Variants in MAGI2 observed in about 807,000 individuals in gnomAD.
MAGI2 encodes membrane-associated guanylate kinase, WW and PDZ domain-containing protein 2.
Under a neutral mutation model 133.3 loss-of-function variants are expected in MAGI2, and 35 were observed. That is an observed-to-expected ratio of 0.26 (90% CI 0.20 to 0.35). The LOEUF (loss-of-function observed/expected upper bound fraction) is 0.35, where lower values mean the gene tolerates loss of function less well. Among genes scored for constraint, MAGI2 ranks in the 10% least tolerant of loss-of-function variants. MAGI2 has a pLI of 1.00. For synonymous variants in MAGI2, 729 were observed against 710.6 expected (o/e 1.03, Z -0.41); for missense variants, 1,636 against 1,863.4 (o/e 0.88, Z 2.25).
chr7:78,586,731 ATTC>A (rs1488615302), intron 3 of MAGI2, among the ~76,000 whole-genome samples: 1 of 152,032 alleles, frequency 6.6e-6, no homozygotes, highest in African/African-American at 2.4e-5. Context: ...AGAACTCTCC[ATTC>A]TTCTCTCCCT....
At chr7:79,130,931 T>G (rs930348702) in intron 1 of MAGI2, among the ~76,000 whole-genome samples, 30 of 152,070 alleles carry the variant, frequency 2.0e-4, no homozygotes, top group African/African-American at 7.0e-4. Context: ...ATTCATTCAT[T>G]CATTTATTCA....
At chr7:78,744,611 GTC>G (rs1822754051) in intron 2 of MAGI2, among the ~76,000 whole-genome samples, 2 of 152,102 alleles carry the variant, frequency 1.3e-5, no homozygotes, top group African/African-American at 4.8e-5. Flanking sequence ...CTTTGCATGA[GTC>G]TAATTCTATG....
chr7:79,161,881 C>T (rs910611888), intron 1 of MAGI2, among the ~76,000 whole-genome samples: 3 of 151,986 alleles, frequency 2.0e-5, no homozygotes, highest in Non-Finnish European at 2.9e-5. Context: ...GTTATTTTAT[C>T]GAGGCTTAGA....
chr7:78,479,185 G>A (rs1227525946), intron 6 of MAGI2, among the ~76,000 whole-genome samples: 1 of 151,950 alleles, frequency 6.6e-6, no homozygotes, highest in Non-Finnish European at 1.5e-5. Context: ...ATTTCACAGT[G>A]ATTTTGCATT....
At chr7:78,897,635 A>G (rs1473426263) in intron 2 of MAGI2, among the ~76,000 whole-genome samples, 1 of 152,196 alleles carries the variant, frequency 6.6e-6, no homozygotes, top group Non-Finnish European at 1.5e-5. Flanking sequence ...GTTCCATATA[A>G]ATTTTAAAAT....
intron 1 of MAGI2, among the ~76,000 whole-genome samples, chr7:79,193,710 C>T (rs952997714): frequency 2.6e-5 from 4 of 151,800 alleles, no homozygotes; most frequent in Non-Finnish European, 5.9e-5. Flanking sequence ...TAATTCATTA[C>T]CTTTAATAGT....
intron 1 of MAGI2, among the ~76,000 whole-genome samples, chr7:79,201,719 A>C (rs988886933): frequency 1.3e-5 from 2 of 151,900 alleles, no homozygotes; most frequent in Admixed American, 6.6e-5. Context: ...AAATATTAGT[A>C]TTCTGTGAAG....
intron 6 of MAGI2, among the ~76,000 whole-genome samples, chr7:78,459,066 T>A (rs894566764): frequency 1.3e-5 from 2 of 152,232 alleles, no homozygotes; most frequent in African/African-American, 4.8e-5. Flanking sequence ...CAAAGTACAT[T>A]TGCACTTTTT....
chr7:79,021,403 G>A (rs1178027651), intron 1 of MAGI2, among the ~76,000 whole-genome samples: 1 of 152,202 alleles, frequency 6.6e-6, no homozygotes, highest in Non-Finnish European at 1.5e-5. Flanking sequence ...GAGGGGGCCT[G>A]TACCCTGAAA....
chr7:79,219,639 T>A (rs2159708), intron 1 of MAGI2, among the ~76,000 whole-genome samples: 116,906 of 151,918 alleles, frequency 0.77, 46,313 homozygotes, highest in Non-Finnish European at 0.85. Flanking sequence ...TTCAGGGACA[T>A]AGAATGACAA....
At position 79,292,770 on chromosome 7, in the gene MAGI2, CAAAAAAAAAAAAAAAAA is replaced by C. The variant is rs199933554; in HGVS notation, c.301+160233_301+160249del. Among the ~76,000 whole-genome samples, 911 of 57,580 alleles carry C rather than the reference CAAAAAAAAAAAAAAAAA, an allele frequency of 0.016. 81 individuals carry two copies. The Admixed American group carries it at 0.16, about 10-fold the overall frequency. 37.8% of individuals were successfully genotyped at this position (57,580 alleles called of 152,430 possible). A position where few individuals can be genotyped will look rare whatever the true frequency, so the allele number is the denominator to read the frequency against. On this transcript the variant is annotated intron_variant, in intron 1 of 21. Transcript: ENST00000354212. The stretch of plus-strand genomic sequence containing the variant: ...TTTTGGACCACTTTGTCAATTTCTG[CAAAAAAAAAAAAAAAAA>C]AAAAAAAAAAAAAGGCAGCTCCTCA...
chr7:79,199,455 T>G (rs1828394075), intron 1 of MAGI2, among the ~76,000 whole-genome samples: 1 of 152,042 alleles, frequency 6.6e-6, no homozygotes, highest in African/African-American at 2.4e-5. Flanking sequence ...ATCCCTAATT[T>G]GCAGCGGAGG....
At chr7:78,693,096 C>T (rs1024507679) in intron 2 of MAGI2, among the ~76,000 whole-genome samples, 10 of 152,066 alleles carry the variant, frequency 6.6e-5, no homozygotes, top group African/African-American at 9.7e-5. Flanking sequence ...TAGAAAAGTG[C>T]GCCTCTAGAG....
chr7:78,555,191 TGG>T (rs1434124695), intron 3 of MAGI2, among the ~76,000 whole-genome samples: 2 of 48,496 alleles, frequency 4.1e-5, no homozygotes, highest in Non-Finnish European at 1.2e-4. Context: ...AGAGGACGGT[TGG>T]ATGGATGGAT....
intron 6 of MAGI2, among the ~76,000 whole-genome samples, chr7:78,411,870 A>T (rs1391015984): frequency 6.6e-6 from 1 of 152,076 alleles, no homozygotes; most frequent in African/African-American, 2.4e-5. Context: ...CTAATATTCC[A>T]AGTAAGACTA....
Position 78,349,619 on chromosome 7 carries a change from C to T in MAGI2, c.1104-3576G>A, listed in dbSNP as rs186560102. Among the ~76,000 whole-genome samples the T allele has an allele frequency of 4.8e-3, 733 of 152,196 alleles. 11 individuals are homozygous for T. Among genetic ancestry groups the T allele is most frequent in the Non-Finnish European group, 6.5e-3 (439 of 68,004 alleles). On this transcript the variant is annotated intron_variant, in intron 7 of 21. Coordinates refer to ENST00000354212, the MANE Select transcript of MAGI2 (RefSeq NM_012301.4). Reference sequence around the variant, plus strand: ...CTAGAGTTCACAGAGAATGAGAATACCAATGAGCTAGTTTGGCATGCCTTG... The same window carrying T: ...CTAGAGTTCACAGAGAATGAGAATATCAATGAGCTAGTTTGGCATGCCTTG...
intron 9 of MAGI2, among the ~76,000 whole-genome samples, chr7:78,275,751 G>A (rs909362028): frequency 6.6e-6 from 1 of 152,202 alleles, no homozygotes; most frequent in Admixed American, 6.5e-5. Context: ...AGAATTATTA[G>A]TAATAGGACT....
chr7:78,752,251 T>G (rs1823521733), intron 2 of MAGI2, among the ~76,000 whole-genome samples: 1 of 152,210 alleles, frequency 6.6e-6, no homozygotes, highest in South Asian at 2.1e-4. Flanking sequence ...TGGATAATGT[T>G]CTTGATTTTG....
Position 79,160,604 on chromosome 7 carries a change from C to A in MAGI2, c.302-153398G>T, listed in dbSNP as rs572998749. Among the ~76,000 whole-genome samples, 29 of 152,180 alleles carry A rather than the reference C, an allele frequency of 1.9e-4. 1 individual carries two copies. The South Asian group carries it at 5.8e-3, about 30-fold the overall frequency. Reference sequence around the variant, plus strand: ...GCAAGACCCACAGCTCACTCCTGAACAATCACTAATAATTACATGTAATCC... The same window carrying A: ...GCAAGACCCACAGCTCACTCCTGAAAAATCACTAATAATTACATGTAATCC... On this transcript the variant is annotated intron_variant, in intron 1 of 21. Coordinates refer to ENST00000354212, the MANE Select transcript of MAGI2 (RefSeq NM_012301.4).
Sources: gnomAD v4.1 joint callset for allele counts (sites outside exome capture counted in the v4.1 genomes callset) on GRCh38, gnomAD v4.1.1 for gene constraint, MANE v1.5 for transcripts, NCBI Gene and HGNC (gene_info 2026-07-23, HGNC 2026-07-21) for gene names.